SMG6: variants seen among roughly 807,000 people sequenced by gnomAD.
The protein encoded by SMG6 is telomerase-binding protein EST1A.
A neutral mutation model predicts 142.2 loss-of-function variants in SMG6; 66 were observed. The observed-to-expected ratio is 0.46, with a 90% CI of 0.38 to 0.57. The LOEUF is 0.57. Ranked by LOEUF, SMG6 falls within the 20% of genes least tolerant of loss-of-function variation. The pLI, the probability that SMG6 is intolerant of heterozygous loss-of-function variation, is 0.00. For synonymous variants in SMG6, 779 were observed against 702.4 expected (o/e 1.11, Z -1.72); for missense variants, 1,793 against 1,832.0 (o/e 0.98, Z 0.39).
At chr17:2,286,262 G>A (rs1180362707) in intron 6 of SMG6, among the ~76,000 whole-genome samples, 1 of 142,806 alleles carries the variant, frequency 7.0e-6, no homozygotes, top group Non-Finnish European at 1.5e-5. Flanking sequence ...AAATGAAAAA[G>A]CTGACCCTAA....
At chr17:2,070,428 C>G (rs971324446) in intron 15 of SMG6, among the ~76,000 whole-genome samples, 1 of 152,214 alleles carries the variant, frequency 6.6e-6, no homozygotes, top group African/African-American at 2.4e-5. Context: ...TCATGGCCTT[C>G]TGCCACAGAG....
chr17:2,250,096 A>G (rs1157421818), intron 8 of SMG6, among the ~76,000 whole-genome samples: 1 of 152,200 alleles, frequency 6.6e-6, no homozygotes, highest in Non-Finnish European at 1.5e-5. Context: ...GAAAGTTATC[A>G]CTCAAAATTG....
intron 8 of SMG6, among the ~76,000 whole-genome samples, chr17:2,247,011 T>C (rs2073942805): frequency 6.6e-6 from 1 of 152,012 alleles, no homozygotes; most frequent in Non-Finnish European, 1.5e-5. Context: ...AGCTGCAAAA[T>C]AAATTGCCCA....
rs202060632 is a variant in SMG6, at chr17:2,299,226, A to G, written c.1527T>C (p.Tyr509=). The G allele has an allele frequency of 3.7e-6, 6 of 1,613,948 alleles. No homozygotes were observed. In the Admixed American group the frequency reaches 6.7e-5, roughly 18 times the overall value. Residue 509 remains tyrosine, a synonymous_variant, in exon 2 of 19, where the codon TAT becomes TAC. Transcript: ENST00000263073. This position sits in a 1 kb window ranked among gnomAD's most constrained non-coding sequence, Gnocchi z 4.3. ...AGGCAGGGCCTGGTGTCCGGGGGTA[A>G]TAATAGGGGTTGTCAGAGTTTTGAA... The part of the protein sequence containing the change: ...YKFQNSDNPY[Y]YPRTPGPASQ...
At chr17:2,086,787 T>C (rs1377281705) in intron 13 of SMG6, among the ~76,000 whole-genome samples, 1 of 152,156 alleles carries the variant, frequency 6.6e-6, no homozygotes, top group Non-Finnish European at 1.5e-5. Context: ...CTCTCCTCCA[T>C]GCTTGCCCCT....
chr17:2,073,481 C>A (rs1364487296), intron 15 of SMG6, among the ~76,000 whole-genome samples: 1 of 150,344 alleles, frequency 6.7e-6, no homozygotes, highest in Non-Finnish European at 1.5e-5. Context: ...GAGGCCAAGG[C>A]GGGTGGATCA....
chr17:2,200,355 A>G (rs762693384), intron 10 of SMG6, among the ~76,000 whole-genome samples: 4 of 152,006 alleles, frequency 2.6e-5, no homozygotes, highest in Non-Finnish European at 5.9e-5. Flanking sequence ...TAAGCCCTGT[A>G]TTCCTTATTT....
At chr17:2,267,756 T>G (rs2074454244) in intron 8 of SMG6, among the ~76,000 whole-genome samples, 1 of 150,400 alleles carries the variant, frequency 6.6e-6, no homozygotes. Context: ...TTATTATTTT[T>G]TTTTTTTTTG....
intron 10 of SMG6, among the ~76,000 whole-genome samples, chr17:2,234,095 T>C (rs1288858089): frequency 2.0e-5 from 3 of 152,132 alleles, no homozygotes; most frequent in Non-Finnish European, 4.4e-5. Flanking sequence ...GGGCTTTATT[T>C]TTCCATGTCT....
At chr17:2,166,893 G>A (rs1043796456) in intron 13 of SMG6, among the ~76,000 whole-genome samples, 3 of 152,174 alleles carry the variant, frequency 2.0e-5, no homozygotes, top group Non-Finnish European at 2.9e-5. Context: ...GGGAGGCTGA[G>A]GCGGGCAGAT....
chr17:2,276,801 G>C (rs1567739823), intron 8 of SMG6, among the ~76,000 whole-genome samples: 1 of 151,914 alleles, frequency 6.6e-6, no homozygotes, highest in South Asian at 2.1e-4. Context: ...GTTTTTTTGA[G>C]ATGGAGTTTC....
chr17:2,084,755 A>C (rs181201517), intron 14 of SMG6, among the ~76,000 whole-genome samples: 1 of 152,114 alleles, frequency 6.6e-6, no homozygotes, highest in East Asian at 1.9e-4. Flanking sequence ...GTTCCTTCCC[A>C]CCTAAGTCTC....
chr17:2,258,509 A>G (rs1289489323), intron 8 of SMG6, among the ~76,000 whole-genome samples: 1 of 150,178 alleles, frequency 6.7e-6, no homozygotes, highest in East Asian at 1.9e-4. Flanking sequence ...GTGAGCCAAG[A>G]CTGCACCACT....
intron 13 of SMG6, among the ~76,000 whole-genome samples, chr17:2,138,178 GA>G (rs1390590316): frequency 6.6e-6 from 1 of 151,874 alleles, no homozygotes; most frequent in East Asian, 1.9e-4. Context: ...TGGAATTTCA[GA>G]AAGAAGAAAA....
chr17:2,065,085 G>T lies in SMG6; in HGVS notation c.4117C>A (p.Pro1373Thr), dbSNP rs990829840. Residue 1373 changes from proline (P) to threonine (T), a missense_variant, in exon 18 of 19, where the codon CCC becomes ACC. Coordinates refer to ENST00000263073, the MANE Select transcript of SMG6 (RefSeq NM_017575.5). ...YCKDKAKDFM[P>T]ASKEEPIRLL... ...GGCAAAGCTGTACCTTTGCTGGCGG[G>T]CATGAAGTCCTTAGCCTTGTCTTTG... 2 of 1,613,632 alleles carry T rather than the reference G, an allele frequency of 1.2e-6. No homozygotes were observed. Among genetic ancestry groups the T allele is most frequent in the Non-Finnish European group, 1.7e-6 (2 of 1,179,632 alleles).
In SMG6 at chr17:2,099,380, G is replaced by A. The variant is rs532598182; in HGVS notation, c.3358-13479C>T. On this transcript the variant is annotated intron_variant, in intron 13 of 18. Coordinates refer to ENST00000263073, the MANE Select transcript of SMG6 (RefSeq NM_017575.5). Reference sequence around the variant, plus strand: ...GAAACCAGATACCAGAAGAAGCCACGCTCTGGGCAGGTCTTAACTCCATGG... The same window carrying A: ...GAAACCAGATACCAGAAGAAGCCACACTCTGGGCAGGTCTTAACTCCATGG... Among the ~76,000 whole-genome samples the A allele has an allele frequency of 2.3e-4, 35 of 152,078 alleles. No individual in the cohort carries two copies. In the South Asian group the frequency reaches 5.8e-3, roughly 25 times the overall value.
At chr17:2,065,994 A>G (rs1378666590) in intron 16 of SMG6, 4 of 394,622 alleles carry the variant, frequency 1.0e-5, no homozygotes, top group Non-Finnish European at 1.9e-5. Context: ...CCTTGGTTAC[A>G]GGACTCACGT....
intron 9 of SMG6, among the ~76,000 whole-genome samples, chr17:2,238,672 C>T (rs1203161979): frequency 1.3e-5 from 2 of 152,174 alleles, no homozygotes; most frequent in Non-Finnish European, 2.9e-5. Context: ...AGAAGTGTCA[C>T]GTGGGACAGT....
At chr17:2,177,319 A>G (rs992902738) in intron 12 of SMG6, among the ~76,000 whole-genome samples, 23 of 152,330 alleles carry the variant, frequency 1.5e-4, no homozygotes, top group African/African-American at 5.0e-4. Context: ...TCAGAAAGGC[A>G]GTCTGCCAGC....
Sources: gnomAD v4.1 joint callset for allele counts (sites outside exome capture counted in the v4.1 genomes callset) on GRCh38, gnomAD v4.1.1 for gene constraint, Gnocchi (gnomAD v3.1) non-coding constraint, MANE v1.5 for transcripts, NCBI Gene and HGNC (gene_info 2026-07-23, HGNC 2026-07-21) for gene names.